PTER: variants seen among roughly 807,000 people sequenced by gnomAD.
PTER encodes the protein phosphotriesterase related.
In PTER, 38 loss-of-function variants were observed where a neutral mutation model predicts 29.6. The observed-to-expected ratio is 1.28, with a 90% CI of 0.99 to 1.68. The LOEUF (loss-of-function observed/expected upper bound fraction) is 1.68. PTER is among the 40% of genes most tolerant of loss of function. The pLI, the probability that PTER is intolerant of heterozygous loss-of-function variation, is 0.00. For missense variants in PTER, 482 were observed against 427.8 expected, an observed-to-expected ratio of 1.13 and a Z score of -1.12; for synonymous variants, 172 against 154.5, an observed-to-expected ratio of 1.11 and a Z score of -0.84.
intron 1 of PTER, among the ~76,000 whole-genome samples, chr10:16,478,226 A>G (rs10904748): frequency 0.51 from 77,797 of 151,988 alleles, 20,383 homozygotes; most frequent in East Asian, 0.8. Context: ...TGACAATAAT[A>G]TTGCACTTGT....
At chr10:16,480,647 A>C (rs895810267) in intron 1 of PTER, among the ~76,000 whole-genome samples, 10 of 152,294 alleles carry the variant, frequency 6.6e-5, no homozygotes, top group East Asian at 3.9e-4. Context: ...ATTCACAGGT[A>C]AAATAGAGTC....
At chr10:16,458,854 T>C (rs1834504791) in intron 1 of PTER, among the ~76,000 whole-genome samples, 3 of 152,118 alleles carry the variant, frequency 2.0e-5, no homozygotes, top group Admixed American at 2.0e-4. Flanking sequence ...CCACTAACAT[T>C]GACAGCCTTT....
chr10:16,478,837 G>A (rs373057281), intron 1 of PTER, among the ~76,000 whole-genome samples: 30 of 152,196 alleles, frequency 2.0e-4, no homozygotes, highest in African/African-American at 7.0e-4. Flanking sequence ...GGAGTCTGAT[G>A]TGTTTTCTGG....
chr10:16,496,933 ATT>A (rs57514349), intron 3 of PTER, among the ~76,000 whole-genome samples: 7,115 of 131,810 alleles, frequency 0.054, 227 homozygotes, highest in East Asian at 0.13. Flanking sequence ...GGTTCTCTGG[ATT>A]TTTTTTTTTT....
At chr10:16,506,377 G>A (rs1452370078) in intron 4 of PTER, among the ~76,000 whole-genome samples, 5 of 152,154 alleles carry the variant, frequency 3.3e-5, no homozygotes, top group Non-Finnish European at 7.4e-5. Context: ...TGTGACTTAA[G>A]AGCAAAAGCA....
intron 4 of PTER, among the ~76,000 whole-genome samples, chr10:16,506,792 C>T (rs1836587163): frequency 6.6e-6 from 1 of 151,906 alleles, no homozygotes; most frequent in South Asian, 2.1e-4. Context: ...TTTAGGGCAG[C>T]ACTGTGTAGA....
intron 1 of PTER, among the ~76,000 whole-genome samples, chr10:16,442,595 C>A (rs555416253): frequency 4.6e-5 from 7 of 152,254 alleles, no homozygotes; most frequent in East Asian, 1.9e-4. Context: ...CAGTGAGACT[C>A]CCATCTCTAT....
chr10:16,506,349 A>G (rs1464891742), intron 4 of PTER, among the ~76,000 whole-genome samples: 1 of 152,192 alleles, frequency 6.6e-6, no homozygotes, highest in Admixed American at 6.5e-5. Context: ...GCTTCTAGTA[A>G]GAGTTGAGCA....
At chr10:16,476,984 C>T (rs1835293737) in intron 1 of PTER, among the ~76,000 whole-genome samples, 1 of 148,454 alleles carries the variant, frequency 6.7e-6, no homozygotes, top group African/African-American at 2.5e-5. Context: ...GGGCTCACTG[C>T]AGCCTCTGGC....
At chr10:16,493,243 G>A (rs1355928943) in intron 3 of PTER, among the ~76,000 whole-genome samples, 2 of 151,986 alleles carry the variant, frequency 1.3e-5, no homozygotes, top group African/African-American at 4.8e-5. Flanking sequence ...GTGAATTAAC[G>A]GGAAGTCATT....
chr10:16,497,730 G>A (rs1433259001), intron 3 of PTER, among the ~76,000 whole-genome samples: 1 of 152,154 alleles, frequency 6.6e-6, no homozygotes, highest in Non-Finnish European at 1.5e-5. Flanking sequence ...ATCACTTCAT[G>A]CAGACTTCCT....
chr10:16,463,760 G>A (rs748768718), intron 1 of PTER, among the ~76,000 whole-genome samples: 7 of 152,184 alleles, frequency 4.6e-5, no homozygotes, highest in Non-Finnish European at 7.3e-5. Flanking sequence ...TTATTAATAA[G>A]TGTTGGTCGA....
At chr10:16,460,097 A>G (rs1469636450) in intron 1 of PTER, among the ~76,000 whole-genome samples, 1 of 152,182 alleles carries the variant, frequency 6.6e-6, no homozygotes, top group African/African-American at 2.4e-5. Context: ...GAAGAAGACA[A>G]TTTAAATTAC....
chr10:16,506,913 T>G (rs775812920), intron 4 of PTER, among the ~76,000 whole-genome samples: 32 of 151,960 alleles, frequency 2.1e-4, no homozygotes, highest in Admixed American at 6.6e-5. Context: ...TGCCTGTGTA[T>G]TGGCACCAAT....
chr10:16,461,052 T>C (rs1834596023), intron 1 of PTER, among the ~76,000 whole-genome samples: 1 of 152,206 alleles, frequency 6.6e-6, no homozygotes, highest in Non-Finnish European at 1.5e-5. Flanking sequence ...GGCAATATTG[T>C]TAAATTACAG....
In PTER at chr10:16,505,145, A is replaced by T; in HGVS notation, c.824A>T (p.Asn275Ile). Residue 275 changes from asparagine to isoleucine, a missense_variant, in exon 4 of 5, where the codon AAC becomes ATC. Physicochemically the swap from Asn to Ile is moderately radical, Grantham distance 149. Coordinates refer to ENST00000535784, the MANE Select transcript of PTER (RefSeq NM_001261836.2). ...LGPDIDMPDD[N>I]KRIRRVRLLV... Reference sequence around the variant, plus strand: ...CCAGATATTGACATGCCTGATGATAACAAAAGAATTAGAAGGTAAATATGG... The same window carrying T: ...CCAGATATTGACATGCCTGATGATATCAAAAGAATTAGAAGGTAAATATGG... The T allele has an allele frequency of 6.2e-7, 1 of 1,613,976 alleles. No homozygotes were observed.
At chr10:16,460,772 T>A (rs1834582971) in intron 1 of PTER, among the ~76,000 whole-genome samples, 1 of 152,118 alleles carries the variant, frequency 6.6e-6, no homozygotes, top group Admixed American at 6.5e-5. Flanking sequence ...AGAGTCTCAC[T>A]CTGTTGCCCA....
At chr10:16,437,812 T>C (rs1833703923) in intron 1 of PTER, among the ~76,000 whole-genome samples, 1 of 152,172 alleles carries the variant, frequency 6.6e-6, no homozygotes, top group African/African-American at 2.4e-5. Flanking sequence ...AGGTGGAGTC[T>C]TTCTGACTCC....
At chr10:16,479,672 T>C (rs993817797) in intron 1 of PTER, among the ~76,000 whole-genome samples, 1 of 152,084 alleles carries the variant, frequency 6.6e-6, no homozygotes, top group Non-Finnish European at 1.5e-5. Flanking sequence ...ACTTTTATAG[T>C]ACCAGCAAGT....
Sources: allele counts gnomAD v4.1 joint callset (sites outside exome capture counted in the v4.1 genomes callset), GRCh38; gene constraint gnomAD v4.1.1; transcripts MANE v1.5; gene names NCBI Gene and HGNC (gene_info 2026-07-23, HGNC 2026-07-21).